TEK: variants seen among roughly 807,000 people sequenced by gnomAD.
TEK encodes angiopoietin-1 receptor.
Under a neutral mutation model 131.8 loss-of-function variants are expected in TEK, and 43 were observed. That is an observed-to-expected ratio of 0.33 (90% confidence interval 0.26 to 0.42). The LOEUF (loss-of-function observed/expected upper bound fraction) is 0.42, where lower values mean the gene tolerates loss of function less well. Ranked by LOEUF, TEK falls within the 10% of genes least tolerant of loss-of-function variation. The probability of loss-of-function intolerance (pLI) is 1.00; values close to 1 mark genes in which losing one functional copy is unlikely to be tolerated. For synonymous variants in TEK, 580 were observed against 491.6 expected (o/e 1.18, Z -2.38); for missense variants, 1,162 against 1,384.4 (o/e 0.84, Z 2.55).
chr9:27,225,451 C>G (rs1005055307), intron 21 of TEK, among the ~76,000 whole-genome samples: 1 of 152,168 alleles, frequency 6.6e-6, no homozygotes, highest in Non-Finnish European at 1.5e-5. Context: ...CTACAACCAT[C>G]TCATCTTTGA....
At chr9:27,139,766 T>C (rs1329240242) in intron 1 of TEK, among the ~76,000 whole-genome samples, 2 of 152,132 alleles carry the variant, frequency 1.3e-5, no homozygotes, top group Admixed American at 1.3e-4. Flanking sequence ...TTGTTGGGCT[T>C]CAGTGAGTTG....
At chr9:27,215,549 C>G (rs949063090) in intron 18 of TEK, among the ~76,000 whole-genome samples, 10 of 136,938 alleles carry the variant, frequency 7.3e-5, no homozygotes, top group African/African-American at 2.8e-4. Flanking sequence ...GGGTGAGAAC[C>G]CTGCATTAGG....
intron 11 of TEK, among the ~76,000 whole-genome samples, chr9:27,196,586 C>G (rs1301809527): frequency 1.3e-5 from 2 of 151,902 alleles, no homozygotes; most frequent in Non-Finnish European, 2.9e-5. Flanking sequence ...GGCTTTTTAC[C>G]AAGCCAAACA....
chr9:27,152,886 A>G (rs1443684357), intron 1 of TEK, among the ~76,000 whole-genome samples: 2 of 152,224 alleles, frequency 1.3e-5, no homozygotes, highest in Non-Finnish European at 2.9e-5. Flanking sequence ...ATGGCTCATT[A>G]TTCATAGCAA....
At chr9:27,174,566 C>G (rs1182584446) in intron 6 of TEK, among the ~76,000 whole-genome samples, 2 of 152,254 alleles carry the variant, frequency 1.3e-5, no homozygotes, top group African/African-American at 2.4e-5. Context: ...TTTGGACTAG[C>G]TATATTTTAA....
intron 19 of TEK, 140 bp downstream of exon 19, chr9:27,217,898 C>A: frequency 1.3e-6 from 1 of 792,308 alleles, no homozygotes; most frequent in South Asian, 1.5e-5. Flanking sequence ...AATAAATTAG[C>A]AGAATAAAGC....
chr9:27,196,987 A>G (rs893668295), intron 11 of TEK, among the ~76,000 whole-genome samples: 4 of 149,872 alleles, frequency 2.7e-5, no homozygotes, highest in African/African-American at 7.3e-5. Flanking sequence ...AACTTTAGGT[A>G]TATCTCCTAA....
chr9:27,184,650 A>G (rs1331471180), intron 8 of TEK, among the ~76,000 whole-genome samples: 1 of 152,194 alleles, frequency 6.6e-6, no homozygotes, highest in African/African-American at 2.4e-5. Flanking sequence ...CCATAACTAT[A>G]TGTAACTTCT....
intron 21 of TEK, among the ~76,000 whole-genome samples, chr9:27,225,456 C>T (rs953666555): frequency 2.6e-5 from 4 of 152,302 alleles, no homozygotes; most frequent in Non-Finnish European, 5.9e-5. Flanking sequence ...ACCATCTCAT[C>T]TTTGACAAAC....
At chr9:27,226,051 G>C (rs1306431356) in intron 21 of TEK, among the ~76,000 whole-genome samples, 5 of 152,204 alleles carry the variant, frequency 3.3e-5, no homozygotes, top group African/African-American at 7.2e-5. Context: ...ACACCAGTTA[G>C]AATAGCAATC....
At position 27,204,456 on chromosome 9, in the gene TEK, A is replaced by C. The variant is rs145180197; in HGVS notation, c.2210-455A>C. On this transcript the variant is annotated intron_variant, in intron 13 of 22. Coordinates refer to ENST00000380036, the MANE Select transcript of TEK (RefSeq NM_000459.5). ...CTTCATTAACTCATTAAAACAAGAC[A>C]AACAAAACAAAATACCTGATAGACT... Among the ~76,000 whole-genome samples the C allele has an allele frequency of 1.9e-4, 29 of 152,276 alleles. No homozygotes were observed. In the East Asian group the frequency reaches 5.6e-3, roughly 29 times the overall value.
intron 21 of TEK, among the ~76,000 whole-genome samples, chr9:27,224,295 G>C (rs1315851070): frequency 2.0e-5 from 3 of 152,122 alleles, no homozygotes; most frequent in East Asian, 1.9e-4. Flanking sequence ...AAACCTGGCA[G>C]AGACACAACA....
chr9:27,121,562 C>A (rs1015030185), intron 1 of TEK, among the ~76,000 whole-genome samples: 4 of 149,852 alleles, frequency 2.7e-5, no homozygotes, highest in African/African-American at 9.8e-5. Flanking sequence ...ATGCAATATG[C>A]AAAATTATTT....
At position 27,229,951 on chromosome 9, in the gene TEK, C is replaced by A. The variant is rs1826499328; in HGVS notation, c.*719C>A. The stretch of plus-strand genomic sequence containing the variant: ...GGATAAAATAATGGGATTTTCTTTT[C>A]TTTTCTCTGGTAATATTGACTTGTA... On this transcript the variant is annotated 3_prime_UTR_variant, in exon 23 of 23. Transcript: ENST00000380036. 1 of 152,178 alleles carries A rather than the reference C, an allele frequency of 6.6e-6. No homozygotes were observed. Among genetic ancestry groups the A allele is most frequent in the Non-Finnish European group, 1.5e-5 (1 of 68,056 alleles). The allele number at this position is 152,178 out of a possible 1,614,324, so 9.4% of individuals were successfully genotyped here.
intron 19 of TEK, among the ~76,000 whole-genome samples, 154 bp from the exon 20 acceptor site, chr9:27,218,623 A>G (rs889088342): frequency 6.6e-6 from 1 of 152,192 alleles, no homozygotes; most frequent in Non-Finnish European, 1.5e-5. Flanking sequence ...CTAAGAGGAG[A>G]GAAACCTACA....
intron 1 of TEK, among the ~76,000 whole-genome samples, chr9:27,152,422 A>G (rs34842636): frequency 6.8e-6 from 1 of 146,588 alleles, no homozygotes; most frequent in East Asian, 2.1e-4. Context: ...GAAAAAAAAA[A>G]AAAAGCTAAT....
chr9:27,212,825 A>G lies in TEK; in HGVS notation c.2805A>G (p.Thr935=), dbSNP rs1564102375. 4.3e-6 allele frequency: 7 copies of G among 1,614,080 alleles called. No homozygotes were observed. Among genetic ancestry groups the G allele is most frequent in the Non-Finnish European group, 5.9e-6 (7 of 1,179,994 alleles). Residue 935 remains threonine, a synonymous_variant, in exon 17 of 23, where the codon ACA becomes ACG. Coordinates refer to ENST00000380036, the MANE Select transcript of TEK (RefSeq NM_000459.5). ...AFAIANSTAS[T]LSSQQLLHFA... ...CCATTGCCAATAGCACCGCGTCCAC[A>G]CTGTCCTCCCAGCAGCTCCTTCACT... is the stretch of plus-strand genomic sequence containing the variant.
intron 11 of TEK, among the ~76,000 whole-genome samples, chr9:27,193,947 C>G (rs942270108): frequency 3.3e-5 from 5 of 152,144 alleles, no homozygotes; most frequent in African/African-American, 4.8e-5. Context: ...GCTGGGACTA[C>G]AGGCACACCA....
intron 8 of TEK, among the ~76,000 whole-genome samples, chr9:27,184,930 C>A (rs957319495): frequency 6.6e-6 from 1 of 151,892 alleles, no homozygotes; most frequent in Non-Finnish European, 1.5e-5. Flanking sequence ...GTCCCAGCTA[C>A]TTGGGTGAGG....
Sources: allele counts gnomAD v4.1 joint callset (sites outside exome capture counted in the v4.1 genomes callset), GRCh38; gene constraint gnomAD v4.1.1; transcripts MANE v1.5; gene names NCBI Gene and HGNC (gene_info 2026-07-23, HGNC 2026-07-21).